Variants in SLC7A8 observed in about 807,000 individuals in gnomAD.
SLC7A8 encodes the protein large neutral amino acids transporter small subunit 2.
A neutral mutation model predicts 51.2 loss-of-function variants in SLC7A8; 30 were observed. That is an observed-to-expected ratio of 0.59 (90% CI 0.44 to 0.80). The LOEUF (loss-of-function observed/expected upper bound fraction) is 0.80, where lower values mean the gene tolerates loss of function less well. SLC7A8 is among the 30% of genes least tolerant of loss of function. The pLI, the probability that SLC7A8 is intolerant of heterozygous loss-of-function variation, is 0.00. For missense variants in SLC7A8, 612 were observed against 674.4 expected, an observed-to-expected ratio of 0.91 and a Z score of 1.03; for synonymous variants, 257 against 275.8, an observed-to-expected ratio of 0.93 and a Z score of 0.67.
Position 23,145,547 on chromosome 14 carries a change from T to A in SLC7A8, c.509-2343A>T, listed in dbSNP as rs66546210. Among the ~76,000 whole-genome samples, 68 of 9,314 alleles carry A rather than the reference T, an allele frequency of 7.3e-3. 1 individual carries two copies. Among genetic ancestry groups the A allele is most frequent in the African/African-American group, 0.011 (21 of 1,916 alleles). 6.1% of individuals were successfully genotyped at this position (9,314 alleles called of 152,430 possible). A position where few individuals can be genotyped will look rare whatever the true frequency, so the allele number is the denominator to read the frequency against. ...ATCTCAAAAAAAAAAGAAAAAAAAA[T>A]TTTTTTTTTTTTAAGACACCAAGGG... On this transcript the variant is annotated intron_variant, in intron 3 of 10. Coordinates refer to ENST00000316902, the MANE Select transcript of SLC7A8 (RefSeq NM_012244.4).
rs2048886308 is a variant in SLC7A8 at position 23,155,482 on chromosome 14, G to A, written c.508+9803C>T. The A allele has an allele frequency of 5.1e-5, 72 of 1,411,110 alleles. 2 individuals carry two copies. The South Asian group carries it at 1.1e-3, about 22-fold the overall frequency. The allele number at this position is 1,411,110 out of a possible 1,614,324, so 87.4% of individuals were successfully genotyped here. A position where few individuals can be genotyped will look rare whatever the true frequency, so the allele number is the denominator to read the frequency against. The stretch of plus-strand genomic sequence containing the variant: ...ACCCAGTATTTAGCTCAGCCAAGAG[G>A]CAGGAATACCCAGCTCAGCATTTTC... On this transcript the variant is annotated intron_variant, in intron 3 of 10. Transcript: ENST00000316902.
chr14:23,180,199 C>A (rs1031950531), intron 1 of SLC7A8, among the ~76,000 whole-genome samples: 4 of 152,202 alleles, frequency 2.6e-5, no homozygotes, highest in African/African-American at 9.7e-5. Context: ...AGCCACCGCA[C>A]CCGGCCCTTT....
rs1452493729 is a variant in SLC7A8, at chr14:23,183,564, T to G, written c.-650A>C. On this transcript the variant is annotated 5_prime_UTR_variant, in exon 1 of 11. Transcript: ENST00000316902. ...TCCCAGGTGTCCTCTTCTTTCTCGC[T>G]GGTCTTCGTGCCCTTGTTTTCCTCT... 1.3e-5 allele frequency: 2 copies of G among 152,536 alleles called. No individual in the cohort carries two copies. The highest frequency in any genetic ancestry group is 2.4e-5 in the African/African-American group (1 of 41,460). The allele number at this position is 152,536 out of a possible 1,614,324, so 9.4% of individuals were successfully genotyped here. A position where few individuals can be genotyped will look rare whatever the true frequency, so the allele number is the denominator to read the frequency against.
chr14:23,162,201 A>G (rs1203691178), intron 3 of SLC7A8, among the ~76,000 whole-genome samples: 1 of 152,134 alleles, frequency 6.6e-6, no homozygotes, highest in East Asian at 1.9e-4. Flanking sequence ...TAATGCATGT[A>G]CGTGTGCACC....
chr14:23,181,086 A>G (rs891001292), intron 1 of SLC7A8, among the ~76,000 whole-genome samples: 7 of 152,284 alleles, frequency 4.6e-5, no homozygotes, highest in Admixed American at 3.3e-4. Flanking sequence ...TGAGGCAGGA[A>G]GGATGTTTAA....
At chr14:23,148,601 C>T (rs2048819363) in intron 3 of SLC7A8, among the ~76,000 whole-genome samples, 1 of 152,150 alleles carries the variant, frequency 6.6e-6, no homozygotes, top group South Asian at 2.1e-4. Flanking sequence ...GGAGTCCTTT[C>T]AAGAGGGAGG....
At position 23,129,677 on chromosome 14, in the gene SLC7A8, C is replaced by T; in HGVS notation, c.1236G>A (p.Lys412=). ...TVAGQIVLRW[K]KPDIPRPIKI... is the part of the protein sequence containing the mutation. ...TGATGGGGCGGGGGATATCAGGCTT[C>T]TTCCAGCGAAGGACTATCTGTCCAG... Residue 412 remains lysine, a synonymous_variant, in exon 9 of 11, where the codon AAG becomes AAA. Coordinates refer to ENST00000316902, the MANE Select transcript of SLC7A8 (RefSeq NM_012244.4). 2.5e-6 allele frequency: 4 copies of T among 1,614,198 alleles called. No homozygotes were observed. The highest frequency in any genetic ancestry group is 3.4e-6 in the Non-Finnish European group (4 of 1,180,036).
chr14:23,174,407 A>G (rs1298040964), intron 1 of SLC7A8, among the ~76,000 whole-genome samples: 2 of 152,226 alleles, frequency 1.3e-5, no homozygotes, highest in East Asian at 3.8e-4. Context: ...ACCTTCAGAC[A>G]TTGTGAAACC....
chr14:23,152,874 G>A (rs769720329), intron 3 of SLC7A8, among the ~76,000 whole-genome samples: 4 of 152,146 alleles, frequency 2.6e-5, no homozygotes, highest in East Asian at 1.9e-4. Flanking sequence ...GCTGCCACTC[G>A]ATGAGCCACA....
At position 23,126,606 on chromosome 14, in the gene SLC7A8, GA is replaced by G. The variant is rs2048578879; in HGVS notation, c.*570del. ...GCTCTGGGAGTTGGCGTCCTGAGGA[GA>G]ACCGAATTCTGGACAGGGAGCCCTG... On this transcript the variant is annotated 3_prime_UTR_variant, in exon 11 of 11. Coordinates refer to ENST00000316902, the MANE Select transcript of SLC7A8 (RefSeq NM_012244.4). 6.5e-6 allele frequency: 1 copy of G among 154,094 alleles called. No individual in the cohort carries two copies. The highest frequency in any genetic ancestry group is 2.4e-5 in the African/African-American group (1 of 41,378). 9.5% of individuals were successfully genotyped at this position (154,094 alleles called of 1,614,324 possible). A position where few individuals can be genotyped will look rare whatever the true frequency, so the allele number is the denominator to read the frequency against.
chr14:23,158,356 G>A (rs1235812876), intron 3 of SLC7A8, among the ~76,000 whole-genome samples: 4 of 152,142 alleles, frequency 2.6e-5, no homozygotes. Flanking sequence ...GGGAGGACAT[G>A]GAAGGCAGAC....
In SLC7A8 at chr14:23,126,945, G is replaced by A. The variant is rs551576643; in HGVS notation, c.*232C>T. The A allele has an allele frequency of 1.8e-6, 1 of 562,134 alleles. No individual in the cohort carries two copies. Among genetic ancestry groups the A allele is most frequent in the Non-Finnish European group, 3.2e-6 (1 of 316,684 alleles). 34.8% of individuals were successfully genotyped at this position (562,134 alleles called of 1,614,324 possible). A position where few individuals can be genotyped will look rare whatever the true frequency, so the allele number is the denominator to read the frequency against. ...CCTCTCCTCCAGCAGCTGGGAGTGT[G>A]GGCAGCACTGGAGTGGGGCCTGGGA... On this transcript the variant is annotated 3_prime_UTR_variant, in exon 11 of 11. Coordinates refer to ENST00000316902, the MANE Select transcript of SLC7A8 (RefSeq NM_012244.4).
chr14:23,154,489 G>A (rs993015107), intron 3 of SLC7A8: 57 of 984,836 alleles, frequency 5.8e-5, no homozygotes, highest in Middle Eastern at 5.2e-4. Flanking sequence ...TTCCTTGGCC[G>A]CCTCCCCCGC....
At chr14:23,144,341 ATTTTTTTTT>A (rs67517828) in intron 3 of SLC7A8, among the ~76,000 whole-genome samples, 1 of 114,356 alleles carries the variant, frequency 8.7e-6, no homozygotes, top group Admixed American at 9.1e-5. Context: ...TTTAAACACA[ATTTTTTTTT>A]TTTTTTTTTT....
At chr14:23,164,448 T>G (rs904209979) in intron 3 of SLC7A8, among the ~76,000 whole-genome samples, 9 of 152,218 alleles carry the variant, frequency 5.9e-5, no homozygotes, top group Non-Finnish European at 1.2e-4. Context: ...TGGCTCTCTG[T>G]TTCCTTATCT....
At chr14:23,162,596 C>T (rs1020373466) in intron 3 of SLC7A8, among the ~76,000 whole-genome samples, 2 of 152,090 alleles carry the variant, frequency 1.3e-5, no homozygotes, top group African/African-American at 2.4e-5. Flanking sequence ...TTGGCTTGGT[C>T]CTTGCAGTGT....
At chr14:23,134,939 T>C (rs995689258) in intron 7 of SLC7A8, among the ~76,000 whole-genome samples, 3 of 152,212 alleles carry the variant, frequency 2.0e-5, no homozygotes, top group African/African-American at 7.2e-5. Context: ...TTTTCTTTGC[T>C]AATTTTTTGT....
intron 6 of SLC7A8, among the ~76,000 whole-genome samples, chr14:23,138,447 T>G (rs2048711763): frequency 6.6e-6 from 1 of 152,214 alleles, no homozygotes. Flanking sequence ...CAGGCAGATC[T>G]GTCAGGCAGA....
intron 3 of SLC7A8, among the ~76,000 whole-genome samples, chr14:23,161,202 T>G (rs1219367006): frequency 1.3e-5 from 2 of 151,928 alleles, no homozygotes; most frequent in Admixed American, 1.3e-4. Context: ...ACCTGGCTCC[T>G]CCCAACTTCA....
Sources: gnomAD v4.1 joint callset for allele counts (sites outside exome capture counted in the v4.1 genomes callset) on GRCh38, gnomAD v4.1.1 for gene constraint, MANE v1.5 for transcripts, NCBI Gene and HGNC (gene_info 2026-07-23, HGNC 2026-07-21) for gene names.